ABHD2: variants seen among roughly 807,000 people sequenced by gnomAD.
ABHD2 encodes the protein monoacylglycerol lipase ABHD2.
A neutral mutation model predicts 48.1 loss-of-function variants in ABHD2; 20 were observed. The ratio of observed to expected loss-of-function variants is 0.42; its 90% CI spans 0.29 to 0.60. The LOEUF (loss-of-function observed/expected upper bound fraction) is 0.60. ABHD2 is among the 20% of genes least tolerant of loss of function. The probability of loss-of-function intolerance (pLI) is 0.24; values close to 1 mark genes in which losing one functional copy is unlikely to be tolerated. For synonymous variants in ABHD2, 209 were observed against 214.2 expected, an observed-to-expected ratio of 0.98 and a Z score of 0.21; for missense variants, 405 against 550.9, an observed-to-expected ratio of 0.74 and a Z score of 2.65.
chr15:89,058,575 G>C, the ABHD2 span, among the ~76,000 whole-genome samples: 1 of 152,036 alleles, frequency 6.6e-6, no homozygotes, highest in Admixed American at 6.5e-5. Flanking sequence ...TCCTGCTCTG[G>C]GCCCAGGGGA....
At chr15:89,148,118 CAAAA>C (rs10711138) in intron 3 of ABHD2, among the ~76,000 whole-genome samples, 3 of 69,578 alleles carry the variant, frequency 4.3e-5, no homozygotes, top group African/African-American at 1.6e-4. Context: ...GACTCCGTCT[CAAAA>C]AAAAAAAAAA....
Position 89,168,628 on chromosome 15 carries a change from T to C in ABHD2, c.539-7184T>C, listed in dbSNP as rs1444445346. Among the ~76,000 whole-genome samples the C allele has an allele frequency of 6.6e-6, 1 of 152,198 alleles. No homozygotes were observed. Among genetic ancestry groups the C allele is most frequent in the Non-Finnish European group, 1.5e-5 (1 of 68,026 alleles). On this transcript the variant is annotated intron_variant, in intron 5 of 10. Transcript: ENST00000352732. The surrounding 1 kb of genome is among the most constrained non-coding windows in gnomAD (Gnocchi z 4.8). ...TCAGATGTGTTTGGATTTAATTAAA[T>C]TGAGGCTCCCAAAGTGCCTACACAA...
intron 3 of ABHD2, among the ~76,000 whole-genome samples, chr15:89,124,088 A>G (rs954721619): frequency 6.6e-6 from 1 of 152,230 alleles, no homozygotes; most frequent in African/African-American, 2.4e-5. Context: ...ATAGATATGC[A>G]AAATATGCTA....
At chr15:89,057,868 C>T in the ABHD2 span, among the ~76,000 whole-genome samples, 3 of 152,298 alleles carry the variant, frequency 2.0e-5, no homozygotes, top group South Asian at 6.2e-4. Context: ...TCAGGGGACA[C>T]CGTGAGTCAA....
the ABHD2 span, among the ~76,000 whole-genome samples, chr15:89,060,756 G>A: frequency 4.1e-3 from 625 of 152,114 alleles, 7 homozygotes; most frequent in African/African-American, 0.014. Context: ...AGACAAAGGG[G>A]GGAAGTGTCC....
At position 89,092,692 on chromosome 15, in the gene ABHD2, T is replaced by C. The variant is rs912598926; in HGVS notation, c.-107+4129T>C. 2.0e-5 allele frequency among the ~76,000 whole-genome samples: 3 copies of C among 152,238 alleles called. No homozygotes were observed. The highest frequency in any genetic ancestry group is 2.9e-5 in the Non-Finnish European group (2 of 68,038). ...TTTATACATCTGTAAGCAAATTCGT[T>C]AAACATATTCTGTACACCACCCCTT... On this transcript the variant is annotated intron_variant, in intron 1 of 10. Coordinates refer to ENST00000352732, the MANE Select transcript of ABHD2 (RefSeq NM_152924.5). This position sits in a 1 kb window ranked among gnomAD's most constrained non-coding sequence, Gnocchi z 4.4.
At chr15:89,136,565 C>T (rs974841422) in intron 3 of ABHD2, 1 of 286,564 alleles carries the variant, frequency 3.5e-6, no homozygotes, top group Admixed American at 4.1e-5. Context: ...TGCCCCAGTG[C>T]TATCTCTATG....
chr15:89,129,585 G>T (rs1488739293), intron 3 of ABHD2, among the ~76,000 whole-genome samples: 2 of 152,058 alleles, frequency 1.3e-5, no homozygotes, highest in African/African-American at 2.4e-5. Flanking sequence ...AGATTGAGAG[G>T]GTAAATCCAG....
At position 89,202,009 on chromosome 15, in the gene ABHD2, T is replaced by A. The variant is rs945989223; in HGVS notation, c.*6586T>A. 3 of 437,740 alleles carry A rather than the reference T, an allele frequency of 6.9e-6. No individual in the cohort carries two copies. Among genetic ancestry groups the A allele is most frequent in the Non-Finnish European group, 1.2e-5 (3 of 243,482 alleles). 27.1% of individuals were successfully genotyped at this position (437,740 alleles called of 1,614,324 possible). A position where few individuals can be genotyped will look rare whatever the true frequency, so the allele number is the denominator to read the frequency against. Reference sequence around the variant, plus strand: ...GATTCTGATTTTGTTTTGTTTTGTTTGGGTTTTCTGAAACTTAAAATGCTG... The same window carrying A: ...GATTCTGATTTTGTTTTGTTTTGTTAGGGTTTTCTGAAACTTAAAATGCTG... On this transcript the variant is annotated 3_prime_UTR_variant, in exon 11 of 11. Coordinates refer to ENST00000352732, the MANE Select transcript of ABHD2 (RefSeq NM_152924.5).
the ABHD2 span, among the ~76,000 whole-genome samples, chr15:89,053,373 C>T: frequency 1.4e-3 from 219 of 152,232 alleles, 1 homozygote; most frequent in African/African-American, 5.0e-3. Flanking sequence ...TATTAGAGTA[C>T]GGCAGTAGCA....
chr15:89,076,918 C>T, the ABHD2 span, among the ~76,000 whole-genome samples: 3 of 152,088 alleles, frequency 2.0e-5, no homozygotes, highest in African/African-American at 7.2e-5. Context: ...GAGAAAAGAC[C>T]CTTGTTCTCT....
chr15:89,112,048 G>A (rs988507893), intron 1 of ABHD2, among the ~76,000 whole-genome samples: 21 of 152,110 alleles, frequency 1.4e-4, no homozygotes, highest in Non-Finnish European at 2.2e-4. Context: ...TGCATATTCA[G>A]ATGCTTACGG....
intron 6 of ABHD2, among the ~76,000 whole-genome samples, chr15:89,180,342 T>C (rs2051088298): frequency 1.3e-5 from 2 of 152,144 alleles, no homozygotes; most frequent in Non-Finnish European, 2.9e-5. Context: ...AAGTACATCC[T>C]GCAAAAGGAA....
chr15:89,163,583 A>G (rs965758383), intron 5 of ABHD2, among the ~76,000 whole-genome samples: 1 of 152,208 alleles, frequency 6.6e-6, no homozygotes, highest in Non-Finnish European at 1.5e-5. Context: ...GCCTTCAATC[A>G]ATGTGATTCT....
Position 89,113,682 on chromosome 15 carries a change from CT to C in ABHD2, c.-106-41del, listed in dbSNP as rs1264887917. The C allele has an allele frequency of 4.4e-4, 67 of 152,316 alleles. 1 individual carries two copies. Among genetic ancestry groups the C allele is most frequent in the African/African-American group, 1.6e-3 (65 of 41,566 alleles). 9.4% of individuals were successfully genotyped at this position (152,316 alleles called of 1,614,324 possible). On this transcript the variant is annotated intron_variant, in intron 1 of 10. Coordinates refer to ENST00000352732, the MANE Select transcript of ABHD2 (RefSeq NM_152924.5). ...CTGTGCTTACGTTTCAATTAAACTG[CT>C]TCTTTTTCGTTCTTTAAAACATTAC...
the ABHD2 span, among the ~76,000 whole-genome samples, chr15:89,047,246 A>G: frequency 6.6e-6 from 1 of 151,746 alleles, no homozygotes; most frequent in Non-Finnish European, 1.5e-5. Context: ...GTTTGATTGC[A>G]CTGTGGTCTG....
At chr15:89,159,369 T>C (rs945281307) in intron 5 of ABHD2, among the ~76,000 whole-genome samples, 3 of 151,952 alleles carry the variant, frequency 2.0e-5, no homozygotes, top group Admixed American at 6.6e-5. Flanking sequence ...AGAGCGAGAC[T>C]CCATCTCAAA....
chr15:89,053,736 C>A, the ABHD2 span, among the ~76,000 whole-genome samples: 6 of 152,250 alleles, frequency 3.9e-5, no homozygotes, highest in South Asian at 8.3e-4. Context: ...GAAGCCAAGG[C>A]AAAAATGGGC....
At chr15:89,047,427 G>T in the ABHD2 span, among the ~76,000 whole-genome samples, 1 of 151,986 alleles carries the variant, frequency 6.6e-6, no homozygotes, top group Non-Finnish European at 1.5e-5. Flanking sequence ...TTGGTGCAGA[G>T]CTGAGTTCAA....
Sources: allele counts gnomAD v4.1 joint callset (sites outside exome capture counted in the v4.1 genomes callset), GRCh38; gene constraint gnomAD v4.1.1; non-coding constraint Gnocchi (gnomAD v3.1); transcripts MANE v1.5; gene names NCBI Gene and HGNC (gene_info 2026-07-23, HGNC 2026-07-21).